Variants in SGCZ observed in about 807,000 individuals in gnomAD.
The protein encoded by SGCZ is sarcoglycan zeta.
A neutral mutation model predicts 41.3 loss-of-function variants in SGCZ; 40 were observed. The observed-to-expected ratio is 0.97, with a 90% CI of 0.75 to 1.26. The LOEUF (loss-of-function observed/expected upper bound fraction) is 1.26. Ranked by LOEUF, SGCZ falls within the 50% of genes most tolerant of loss-of-function variation. The pLI, the probability that SGCZ is intolerant of heterozygous loss-of-function variation, is 0.00. For synonymous variants in SGCZ, 206 were observed against 137.5 expected (o/e 1.50, Z -3.49); for missense variants, 552 against 369.8 (o/e 1.49, Z -4.04).
chr8:14,462,448 A>G (rs1387808220), intron 2 of SGCZ, among the ~76,000 whole-genome samples: 3 of 152,010 alleles, frequency 2.0e-5, no homozygotes, highest in African/African-American at 7.2e-5. Flanking sequence ...GTTTGTCTCT[A>G]TAAGTCTTTT....
chr8:15,047,253 G>C (rs1563465446), intron 1 of SGCZ, among the ~76,000 whole-genome samples: 1 of 151,946 alleles, frequency 6.6e-6, no homozygotes, highest in Non-Finnish European at 1.5e-5. Context: ...AAGTACATCG[G>C]ATAAAGTTTG....
chr8:15,098,634 T>C (rs1806479300), intron 1 of SGCZ, among the ~76,000 whole-genome samples: 2 of 152,264 alleles, frequency 1.3e-5, no homozygotes, highest in South Asian at 4.1e-4. Flanking sequence ...CAAGAGTACC[T>C]ATTTCTGAAA....
chr8:14,636,367 A>G (rs140112859), intron 1 of SGCZ, among the ~76,000 whole-genome samples: 2 of 151,974 alleles, frequency 1.3e-5, no homozygotes, highest in East Asian at 3.9e-4. Context: ...ACACAGGTTC[A>G]AAACAAGAAA....
At chr8:14,377,738 T>C (rs1205986501) in intron 2 of SGCZ, among the ~76,000 whole-genome samples, 1 of 151,460 alleles carries the variant, frequency 6.6e-6, no homozygotes, top group Non-Finnish European at 1.5e-5. Flanking sequence ...GTCCATGTGA[T>C]CTCATTGTTC....
At chr8:14,193,397 A>G (rs1370217893) in intron 4 of SGCZ, among the ~76,000 whole-genome samples, 1 of 151,512 alleles carries the variant, frequency 6.6e-6, no homozygotes, top group Non-Finnish European at 1.5e-5. Flanking sequence ...GAGAGAATAT[A>G]TAATAATGCT....
Position 14,807,343 on chromosome 8 carries a change from C to T in SGCZ, c.40-252417G>A, listed in dbSNP as rs1341496880. 2.6e-5 allele frequency among the ~76,000 whole-genome samples: 4 copies of T among 152,108 alleles called. No homozygotes were observed. In the East Asian group the frequency reaches 7.7e-4, roughly 29 times the overall value. ...TATCTAGAAAACCCCATTGTCTCAGCCCAAAATCTCCTTAAGCTGATAAGC... is the reference window on the plus strand; with the variant it reads ...TATCTAGAAAACCCCATTGTCTCAGTCCAAAATCTCCTTAAGCTGATAAGC... On this transcript the variant is annotated intron_variant, in intron 1 of 7. Transcript: ENST00000382080.
rs140292183 is a variant in SGCZ at position 15,012,288 on chromosome 8, C to G, written c.39+225297G>C. Among the ~76,000 whole-genome samples the G allele has an allele frequency of 3.6e-3, 547 of 151,518 alleles. 2 individuals carry two copies. Among genetic ancestry groups the G allele is most frequent in the African/African-American group, 9.7e-3 (399 of 41,292 alleles). The stretch of plus-strand genomic sequence containing the variant: ...GATCAGACTGGGCAACATAGCAAAC[C>G]TCCACCTCTACAGAAAAATAAAAAA... On this transcript the variant is annotated intron_variant, in intron 1 of 7. Transcript: ENST00000382080.
chr8:14,752,842 T>A (rs1056366829), intron 1 of SGCZ, among the ~76,000 whole-genome samples: 4 of 152,166 alleles, frequency 2.6e-5, no homozygotes, highest in African/African-American at 9.7e-5. Flanking sequence ...GAAAAACAGC[T>A]TATGCCAAAG....
At chr8:14,749,333 G>A (rs1407738645) in intron 1 of SGCZ, among the ~76,000 whole-genome samples, 1 of 152,150 alleles carries the variant, frequency 6.6e-6, no homozygotes, top group East Asian at 1.9e-4. Flanking sequence ...TCAACATGAT[G>A]AAGTCATTTT....
At chr8:15,226,473 C>T (rs1023712979) in intron 1 of SGCZ, among the ~76,000 whole-genome samples, 1 of 152,124 alleles carries the variant, frequency 6.6e-6, no homozygotes, top group East Asian at 1.9e-4. Flanking sequence ...ACATTTTAGT[C>T]ATCATCAGCA....
At chr8:15,025,193 G>A (rs1367452586) in intron 1 of SGCZ, among the ~76,000 whole-genome samples, 2 of 152,032 alleles carry the variant, frequency 1.3e-5, no homozygotes, top group Non-Finnish European at 2.9e-5. Flanking sequence ...AACAGTATAA[G>A]CATTTGAACA....
chr8:14,776,254 A>G (rs1433690336), intron 1 of SGCZ, among the ~76,000 whole-genome samples: 1 of 152,132 alleles, frequency 6.6e-6, no homozygotes, highest in Non-Finnish European at 1.5e-5. Context: ...GTGGGGCCAC[A>G]TGGAGAATAA....
At chr8:14,233,595 T>TAA (rs1806649844) in intron 4 of SGCZ, among the ~76,000 whole-genome samples, 1 of 99,082 alleles carries the variant, frequency 1.0e-5, no homozygotes, top group Non-Finnish European at 2.7e-5. Flanking sequence ...ATATAAAATA[T>TAA]AGATATATAT....
intron 3 of SGCZ, among the ~76,000 whole-genome samples, chr8:14,298,301 T>C (rs1300992446): frequency 1.3e-5 from 2 of 151,960 alleles, no homozygotes; most frequent in African/African-American, 4.8e-5. Context: ...GGAAATAAGA[T>C]AAAGATATCT....
chr8:14,633,563 G>A (rs1295925021), intron 1 of SGCZ, among the ~76,000 whole-genome samples: 1 of 151,884 alleles, frequency 6.6e-6, no homozygotes, highest in East Asian at 1.9e-4. Flanking sequence ...ATAATTACAG[G>A]AACTATATTT....
intron 2 of SGCZ, among the ~76,000 whole-genome samples, chr8:14,399,890 G>A (rs1481833275): frequency 1.3e-5 from 2 of 151,940 alleles, no homozygotes; most frequent in Non-Finnish European, 2.9e-5. Context: ...GTAATTTAAT[G>A]TTTAGTATAC....
intron 5 of SGCZ, among the ~76,000 whole-genome samples, chr8:14,130,664 T>TA (rs1208977006): frequency 5.9e-5 from 9 of 152,166 alleles, no homozygotes; most frequent in Admixed American, 5.9e-4. Context: ...AAGCAGCCAC[T>TA]AAATCATTTA....
At chr8:15,091,340 T>G (rs1806148218) in intron 1 of SGCZ, among the ~76,000 whole-genome samples, 1 of 152,196 alleles carries the variant, frequency 6.6e-6, no homozygotes, top group African/African-American at 2.4e-5. Flanking sequence ...TTGACTAAGA[T>G]AATTCAATTA....
At chr8:14,596,401 C>T (rs531863434) in intron 1 of SGCZ, among the ~76,000 whole-genome samples, 10 of 152,044 alleles carry the variant, frequency 6.6e-5, no homozygotes, top group South Asian at 2.1e-4. Flanking sequence ...ATTTATCACT[C>T]GGCAATAAAA....
Sources: allele counts gnomAD v4.1 joint callset (sites outside exome capture counted in the v4.1 genomes callset), GRCh38; gene constraint gnomAD v4.1.1; transcripts MANE v1.5; gene names NCBI Gene and HGNC (gene_info 2026-07-23, HGNC 2026-07-21).